VCL: variants seen among roughly 807,000 people sequenced by gnomAD.
The protein encoded by VCL is vinculin.
A neutral mutation model predicts 125.7 loss-of-function variants in VCL; 47 were observed. That is an observed-to-expected ratio of 0.37 (90% confidence interval 0.30 to 0.48). The LOEUF is 0.48. Ranked by LOEUF, VCL falls within the 20% of genes least tolerant of loss-of-function variation. The pLI is 0.99. For synonymous variants in VCL, 458 were observed against 514.6 expected (o/e 0.89, Z 1.49); for missense variants, 1,069 against 1,455.5 (o/e 0.73, Z 4.32).
intron 6 of VCL, chr10:74,076,526 G>C (rs1411899932): frequency 6.6e-6 from 1 of 152,608 alleles, no homozygotes; most frequent in African/African-American, 2.4e-5. Context: ...TGCTATCTCT[G>C]TACCTGCCTC....
At chr10:74,103,479 CCTT>C (rs1840089971) in intron 14 of VCL, among the ~76,000 whole-genome samples, 1 of 152,124 alleles carries the variant, frequency 6.6e-6, no homozygotes, top group Non-Finnish European at 1.5e-5. Context: ...TTTTCGGTAT[CCTT>C]CTTAATGGTG....
chr10:74,077,593 G>C lies in VCL; in HGVS notation c.783+2690G>C, dbSNP rs373346189. 2.4e-5 allele frequency: 7 copies of C among 297,594 alleles called. No homozygotes were observed. In the East Asian group the frequency reaches 3.3e-4, roughly 14 times the overall value. The allele number at this position is 297,594 out of a possible 1,614,324, so 18.4% of individuals were successfully genotyped here. A position where few individuals can be genotyped will look rare whatever the true frequency, so the allele number is the denominator to read the frequency against. On this transcript the variant is annotated intron_variant, in intron 6 of 21. Coordinates refer to ENST00000211998, the MANE Select transcript of VCL (RefSeq NM_014000.3). ...CCTTTTGTCTGACTGTGACTGCTGG[G>C]TTCCCATTCTGTTTAATGCATACAG... is the stretch of plus-strand genomic sequence containing the variant.
At chr10:74,054,347 T>C (rs1207491739) in intron 2 of VCL, among the ~76,000 whole-genome samples, 1 of 152,224 alleles carries the variant, frequency 6.6e-6, no homozygotes, top group African/African-American at 2.4e-5. Context: ...TCTTCTGGGT[T>C]CTGAATTCTG....
intron 1 of VCL, among the ~76,000 whole-genome samples, chr10:74,006,909 A>G (rs1840331989): frequency 1.3e-5 from 2 of 152,062 alleles, no homozygotes; most frequent in Admixed American, 1.3e-4. Context: ...TTATTTAATT[A>G]CTCATCATTT....
Position 74,084,041 on chromosome 10 carries a change from AT to A in VCL, c.1022+533del, listed in dbSNP as rs548595659. On this transcript the variant is annotated intron_variant, in intron 8 of 21. Transcript: ENST00000211998. ...GCCACCACGACCAGCTAATTTTTGT[AT>A]TTTTAGTACAGACGGGGTTTCACCA... 1.4e-3 allele frequency among the ~76,000 whole-genome samples: 212 copies of A among 152,032 alleles called. 5 individuals are homozygous for A. The South Asian group carries it at 0.043, about 31-fold the overall frequency.
At chr10:74,009,344 C>T (rs1840378838) in intron 1 of VCL, among the ~76,000 whole-genome samples, 1 of 151,806 alleles carries the variant, frequency 6.6e-6, no homozygotes, top group Non-Finnish European at 1.5e-5. Context: ...CTGCAAGCTC[C>T]ACTTCCCGGG....
intron 1 of VCL, among the ~76,000 whole-genome samples, chr10:74,021,380 C>A (rs1261504717): frequency 6.6e-6 from 1 of 151,862 alleles, no homozygotes; most frequent in Admixed American, 6.6e-5. Context: ...GCATTTTCAG[C>A]ACTGCAGTTT....
At chr10:74,107,436 C>G in intron 17 of VCL, 82 bp downstream of exon 17, 2 of 1,606,922 alleles carry the variant, frequency 1.2e-6, no homozygotes, top group Non-Finnish European at 8.5e-7. Context: ...TGTTTTAGAG[C>G]CTCCATCACT....
At chr10:74,084,025 A>C (rs1032069726) in intron 8 of VCL, among the ~76,000 whole-genome samples, 3 of 151,822 alleles carry the variant, frequency 2.0e-5, no homozygotes, top group Admixed American at 2.0e-4. Flanking sequence ...CGCCACCACG[A>C]CCAGCTAATT....
chr10:74,067,557 G>C (rs1265116418), intron 2 of VCL, among the ~76,000 whole-genome samples: 1 of 152,082 alleles, frequency 6.6e-6, no homozygotes, highest in African/African-American at 2.4e-5. Context: ...CATTATAGCA[G>C]CATTATTCAT....
At chr10:74,061,915 T>TTC (rs1385169012) in intron 2 of VCL, among the ~76,000 whole-genome samples, 1 of 151,016 alleles carries the variant, frequency 6.6e-6, no homozygotes, top group Non-Finnish European at 1.5e-5. Context: ...TACTTTTTTT[T>TTC]TTTTTTTTGA....
Position 74,089,232 on chromosome 10 carries a change from T to C in VCL, c.1059T>C (p.Ala353=). The change falls in exon 9 of 22, where the codon GCT becomes GCC. Residue 353 remains alanine, a synonymous_variant. Transcript: ENST00000211998. ...QGSSPVAMQK[A]QQVSQGLDVL... The stretch of plus-strand genomic sequence containing the variant: ...CCTCACCGGTGGCCATGCAGAAAGC[T>C]CAGCAGGTATCTCAGGGTCTGGATG... 2 of 1,614,098 alleles carry C rather than the reference T, an allele frequency of 1.2e-6. No homozygotes were observed. Among genetic ancestry groups the C allele is most frequent in the Non-Finnish European group, 1.7e-6 (2 of 1,180,016 alleles).
chr10:74,069,838 TG>T (rs1387481776), intron 2 of VCL, among the ~76,000 whole-genome samples: 1 of 152,214 alleles, frequency 6.6e-6, no homozygotes, highest in Non-Finnish European at 1.5e-5. Context: ...GTATGCATTT[TG>T]GGTTCCTCTT....
At chr10:74,082,569 G>C in intron 7 of VCL, 25 bp downstream of exon 7, 1 of 1,610,308 alleles carries the variant, frequency 6.2e-7, no homozygotes, top group Non-Finnish European at 8.5e-7. Flanking sequence ...CTGCTTTTCT[G>C]ATCAATACAA....
chr10:74,109,290 A>G, intron 18 of VCL, 134 bp downstream of exon 18: 1 of 1,125,480 alleles, frequency 8.9e-7, no homozygotes, highest in South Asian at 1.3e-5. Context: ...TGCCAATAGC[A>G]TATTCCTCTT....
In VCL at chr10:74,095,766, A is replaced by ACAGC; in HGVS notation, c.1656_1659dup (p.Gln554SerfsTer5). 6.2e-7 allele frequency: 1 copy of ACAGC among 1,614,232 alleles called. No homozygotes were observed. ...CAAGTGTGACCGAGTGGACCAGCTG[A>ACAGC]CAGCCCAGCTGGCTGACCTGGCTGC... On this transcript the variant is annotated frameshift_variant, in exon 12 of 22. Transcript: ENST00000211998. LOFTEE classifies it high-confidence loss of function.
chr10:74,024,207 G>C (rs900373741), intron 1 of VCL, among the ~76,000 whole-genome samples: 3 of 152,112 alleles, frequency 2.0e-5, no homozygotes, highest in Non-Finnish European at 4.4e-5. Flanking sequence ...AATTTAATGG[G>C]TCAGAATGTT....
At chr10:74,049,594 A>G (rs1267673716) in intron 2 of VCL, among the ~76,000 whole-genome samples, 1 of 152,132 alleles carries the variant, frequency 6.6e-6, no homozygotes, top group African/African-American at 2.4e-5. Context: ...AGGTGCAATG[A>G]ATGGCATGAC....
intron 1 of VCL, among the ~76,000 whole-genome samples, chr10:74,040,152 G>A (rs544452188): frequency 2.0e-5 from 3 of 152,072 alleles, no homozygotes; most frequent in Non-Finnish European, 2.9e-5. Context: ...TTTCCAGCCC[G>A]TACTCTTTAT....
Sources: gnomAD v4.1 joint callset for allele counts (sites outside exome capture counted in the v4.1 genomes callset) on GRCh38, gnomAD v4.1.1 for gene constraint, MANE v1.5 for transcripts, NCBI Gene and HGNC (gene_info 2026-07-23, HGNC 2026-07-21) for gene names.